Variants in NSG1 observed in about 807,000 individuals in gnomAD.
The protein encoded by NSG1 is neuronal vesicle trafficking associated 1, also known as neuronal vesicle trafficking-associated protein 1.
In NSG1, 9 loss-of-function variants were observed where a neutral mutation model predicts 19.3. That is an observed-to-expected ratio of 0.47 (90% CI 0.28 to 0.81). NSG1 has a LOEUF of 0.81. NSG1 is among the 40% of genes least tolerant of loss of function. The pLI is 0.11. For missense variants in NSG1, 236 were observed against 242.4 expected (o/e 0.97, Z 0.18); for synonymous variants, 104 against 107.0 (o/e 0.97, Z 0.17).
At chr4:4,408,418 C>G (rs1175868116) in intron 3 of NSG1, among the ~76,000 whole-genome samples, 1 of 152,212 alleles carries the variant, frequency 6.6e-6, no homozygotes, top group Non-Finnish European at 1.5e-5. Flanking sequence ...CTCTCTGCCT[C>G]TCTGGGCAGG....
In NSG1 at chr4:4,417,358, G is replaced by GT; in HGVS notation, c.482dup (p.Ser162IlefsTer18). ...GGCCAAGCAGAGCATCACGCGCTCC[G>GT]TATCGCCCTGGATGTCAGTTCTGTC... On this transcript the variant is annotated frameshift_variant, in exon 5 of 5. Transcript: ENST00000621129. LOFTEE classifies it high-confidence loss of function. The GT allele has an allele frequency of 1.2e-6, 2 of 1,614,166 alleles. No homozygotes were observed. Among genetic ancestry groups the GT allele is most frequent in the Non-Finnish European group, 1.7e-6 (2 of 1,180,032 alleles).
chr4:4,401,736 G>T (rs1322100500), intron 3 of NSG1, among the ~76,000 whole-genome samples: 1 of 152,190 alleles, frequency 6.6e-6, no homozygotes, highest in African/African-American at 2.4e-5. Context: ...TAAGAAGGAA[G>T]AAGGCAGGGC....
chr4:4,389,058 C>G (rs1722874494), intron 2 of NSG1, among the ~76,000 whole-genome samples: 1 of 152,232 alleles, frequency 6.6e-6, no homozygotes, highest in African/African-American at 2.4e-5. Flanking sequence ...GCCCCCACAC[C>G]CCCTCCTGCC....
Position 4,418,850 on chromosome 4 carries a change from G to C in NSG1, c.*1415G>C, listed in dbSNP as rs1192928162. 1 of 152,322 alleles carries C rather than the reference G, an allele frequency of 6.6e-6. No homozygotes were observed. The highest frequency in any genetic ancestry group is 1.9e-4 in the East Asian group (1 of 5,200). 9.4% of individuals were successfully genotyped at this position (152,322 alleles called of 1,614,324 possible). A position where few individuals can be genotyped will look rare whatever the true frequency, so the allele number is the denominator to read the frequency against. On this transcript the variant is annotated 3_prime_UTR_variant, in exon 5 of 5. Transcript: ENST00000621129. ...GCATCAGAGGCGTGTGCTGAGAAGG[G>C]TGGTGTTAAGCTGTGGAAAATGACT... is the stretch of plus-strand genomic sequence containing the variant.
At chr4:4,404,719 T>TG (rs1723760795) in intron 3 of NSG1, among the ~76,000 whole-genome samples, 1 of 152,276 alleles carries the variant, frequency 6.6e-6, no homozygotes, top group East Asian at 1.9e-4. Context: ...AAGTATCTCA[T>TG]GGGGAGGGGG....
At chr4:4,403,300 A>G (rs1723668904) in intron 3 of NSG1, among the ~76,000 whole-genome samples, 1 of 152,198 alleles carries the variant, frequency 6.6e-6, no homozygotes, top group South Asian at 2.1e-4. Flanking sequence ...GTCCTAAGTC[A>G]GTTTCATTGC....
intron 3 of NSG1, among the ~76,000 whole-genome samples, 168 bp from the exon 4 acceptor site, chr4:4,409,405 C>T (rs1200441618): frequency 6.6e-6 from 1 of 152,188 alleles, no homozygotes; most frequent in African/African-American, 2.4e-5. Context: ...AAAAAATTGC[C>T]CAGTGAACAG....
chr4:4,393,063 G>C (rs1025209117), intron 3 of NSG1, among the ~76,000 whole-genome samples: 1 of 152,182 alleles, frequency 6.6e-6, no homozygotes, highest in African/African-American at 2.4e-5. Context: ...TGCACCCTGG[G>C]TTTGGCTGCT....
intron 1 of NSG1, 43 bp from the exon 2 acceptor site, chr4:4,387,561 C>CCCGGGGGGGGGGGGGGG: frequency 1.8e-6 from 2 of 1,141,986 alleles, no homozygotes; most frequent in Non-Finnish European, 2.5e-6. Flanking sequence ...CGCCCCGCCC[C>CCCGGGGGGGGGGGGGGG]GGGTCTTGCT....
At chr4:4,395,304 T>C (rs1723196538) in intron 3 of NSG1, among the ~76,000 whole-genome samples, 1 of 152,210 alleles carries the variant, frequency 6.6e-6, no homozygotes, top group Non-Finnish European at 1.5e-5. Context: ...TTTTGACAAA[T>C]GCTTTCCAGG....
chr4:4,406,192 T>C (rs1434061351), intron 3 of NSG1, among the ~76,000 whole-genome samples: 1 of 152,090 alleles, frequency 6.6e-6, no homozygotes, highest in Non-Finnish European at 1.5e-5. Context: ...CACGCCCGGC[T>C]AATTTTTTAT....
At chr4:4,395,573 C>T (rs1156911338) in intron 3 of NSG1, among the ~76,000 whole-genome samples, 2 of 152,106 alleles carry the variant, frequency 1.3e-5, no homozygotes, top group African/African-American at 2.4e-5. Context: ...ATATGGGGAG[C>T]AGGCTATGCT....
At chr4:4,396,576 G>C (rs1723260564) in intron 3 of NSG1, among the ~76,000 whole-genome samples, 1 of 152,204 alleles carries the variant, frequency 6.6e-6, no homozygotes, top group Non-Finnish European at 1.5e-5. Context: ...CCCCTGGTTG[G>C]CAGTCCAGAC....
chr4:4,389,267 C>T (rs1722882208), intron 2 of NSG1, among the ~76,000 whole-genome samples: 1 of 152,132 alleles, frequency 6.6e-6, no homozygotes. Context: ...AAATCCTCAC[C>T]AACTAATTAG....
At chr4:4,400,609 T>A (rs981263592) in intron 3 of NSG1, among the ~76,000 whole-genome samples, 2 of 152,250 alleles carry the variant, frequency 1.3e-5, no homozygotes, top group African/African-American at 4.8e-5. Flanking sequence ...TTTATTTATA[T>A]CCTCTTTAAG....
upstream of NSG1, chr4:4,386,834 G>A (rs1039984533): frequency 1.8e-4 from 28 of 152,180 alleles, no homozygotes; most frequent in Admixed American, 1.4e-3. Flanking sequence ...ACCCCCTGGG[G>A]GCGCGTCCTC....
chr4:4,407,317 G>A (rs1723920394), intron 3 of NSG1, among the ~76,000 whole-genome samples: 1 of 152,176 alleles, frequency 6.6e-6, no homozygotes, highest in Non-Finnish European at 1.5e-5. Context: ...AGGGGCCTGA[G>A]GGGTCCCTCC....
intron 3 of NSG1, among the ~76,000 whole-genome samples, chr4:4,404,682 C>T (rs1007977270): frequency 6.6e-6 from 1 of 152,240 alleles, no homozygotes; most frequent in Non-Finnish European, 1.5e-5. Context: ...GGCTCAGTAA[C>T]ATCATCCAAT....
chr4:4,391,498 G>A lies in NSG1; in HGVS notation c.153G>A (p.Glu51=). ...AGGTGGTCGTGAAAACTAAGACCGAGTATGAACCTGACCGCAAGAAAGGGA... is the reference window on the plus strand; with the variant it reads ...AGGTGGTCGTGAAAACTAAGACCGAATATGAACCTGACCGCAAGAAAGGGA... ...PDKVVVKTKT[E]YEPDRKKGKA... The change falls in exon 3 of 5, where the codon GAG becomes GAA. Residue 51 remains glutamate (E), a synonymous_variant. Coordinates refer to ENST00000621129, the MANE Select transcript of NSG1 (RefSeq NM_014392.5). 5 of 1,612,858 alleles carry A rather than the reference G, an allele frequency of 3.1e-6. No individual in the cohort carries two copies. The highest frequency in any genetic ancestry group is 4.2e-6 in the Non-Finnish European group (5 of 1,179,614).
Sources: allele counts gnomAD v4.1 joint callset (sites outside exome capture counted in the v4.1 genomes callset), GRCh38; gene constraint gnomAD v4.1.1; transcripts MANE v1.5; gene names NCBI Gene and HGNC (gene_info 2026-07-23, HGNC 2026-07-21).